Variants in KCTD16 observed in about 807,000 individuals in gnomAD.
KCTD16 encodes the protein BTB/POZ domain-containing protein KCTD16.
Under a neutral mutation model 33.2 loss-of-function variants are expected in KCTD16, and 13 were observed. The ratio of observed to expected loss-of-function variants is 0.39; its 90% CI spans 0.25 to 0.62. The LOEUF is 0.62. Among genes scored for constraint, KCTD16 ranks in the 20% least tolerant of loss-of-function variants. The pLI is 0.50. For missense variants in KCTD16, 441 were observed against 525.1 expected (o/e 0.84, Z 1.57); for synonymous variants, 197 against 195.3 (o/e 1.01, Z -0.07).
chr5:144,262,425 A>T (rs1755037616), intron 3 of KCTD16, among the ~76,000 whole-genome samples: 1 of 152,234 alleles, frequency 6.6e-6, no homozygotes, highest in South Asian at 2.1e-4. Flanking sequence ...GGTTTCAAGC[A>T]AGGAAATAAC....
chr5:144,304,874 G>T (rs1751554914), intron 3 of KCTD16, among the ~76,000 whole-genome samples: 1 of 151,804 alleles, frequency 6.6e-6, no homozygotes, highest in African/African-American at 2.4e-5. Flanking sequence ...CCTTTTGGTT[G>T]CCTCCCTTAA....
At chr5:144,277,392 C>T (rs1755468586) in intron 3 of KCTD16, among the ~76,000 whole-genome samples, 2 of 152,168 alleles carry the variant, frequency 1.3e-5, no homozygotes, top group South Asian at 4.1e-4. Context: ...ATAACTTCCT[C>T]TTGTAGGGTG....
At chr5:144,283,834 A>G (rs1755670912) in intron 3 of KCTD16, among the ~76,000 whole-genome samples, 1 of 152,204 alleles carries the variant, frequency 6.6e-6, no homozygotes, top group Non-Finnish European at 1.5e-5. Context: ...GAGGATATAA[A>G]TCAATAGGTA....
At chr5:144,287,898 T>C (rs1192593226) in intron 3 of KCTD16, among the ~76,000 whole-genome samples, 1 of 152,168 alleles carries the variant, frequency 6.6e-6, no homozygotes, top group African/African-American at 2.4e-5. Flanking sequence ...CCTCTCAAAG[T>C]GTTGGGATTA....
chr5:144,265,049 C>T (rs1214178628), intron 3 of KCTD16, among the ~76,000 whole-genome samples: 1 of 152,132 alleles, frequency 6.6e-6, no homozygotes, highest in Admixed American at 6.5e-5. Context: ...TCTTAACTCT[C>T]TACTATAGAA....
At chr5:144,270,560 TACAGCTATAA>T (rs894335791) in intron 3 of KCTD16, among the ~76,000 whole-genome samples, 2 of 151,444 alleles carry the variant, frequency 1.3e-5, no homozygotes, top group African/African-American at 4.8e-5. Context: ...TATAAAATTT[TACAGCTATAA>T]ACACAGTAAA....
intron 3 of KCTD16, among the ~76,000 whole-genome samples, chr5:144,314,072 C>T (rs1415423642): frequency 6.6e-6 from 1 of 152,044 alleles, no homozygotes. Flanking sequence ...TATAGCTAAA[C>T]CCTATTTACA....
At chr5:144,296,467 T>A (rs1756039780) in intron 3 of KCTD16, among the ~76,000 whole-genome samples, 1 of 152,252 alleles carries the variant, frequency 6.6e-6, no homozygotes, top group South Asian at 2.1e-4. Context: ...TCTTTCTTAT[T>A]TTCCAGTTCT....
Position 144,268,338 on chromosome 5 carries a change from C to A in KCTD16, c.832+60792C>A, listed in dbSNP as rs143244681. Among the ~76,000 whole-genome samples, 18 of 152,332 alleles carry A rather than the reference C, an allele frequency of 1.2e-4. No homozygotes were observed. The East Asian group carries it at 3.5e-3, about 29-fold the overall frequency. On this transcript the variant is annotated intron_variant, in intron 3 of 3. Transcript: ENST00000512467. Reference sequence around the variant, plus strand: ...CGCGCTATTGTTGACAGCCCTTCCCCCTCCATCTGAGGTGACCTCTAAGGG... The same window carrying A: ...CGCGCTATTGTTGACAGCCCTTCCCACTCCATCTGAGGTGACCTCTAAGGG...
chr5:144,342,327 C>T (rs1214130908), intron 3 of KCTD16, among the ~76,000 whole-genome samples: 1 of 152,152 alleles, frequency 6.6e-6, no homozygotes, highest in African/African-American at 2.4e-5. Flanking sequence ...ATTTTATTCT[C>T]TTTGAAGCAG....
chr5:144,225,339 T>C (rs1459437086), intron 3 of KCTD16, among the ~76,000 whole-genome samples: 1 of 152,154 alleles, frequency 6.6e-6, no homozygotes, highest in Non-Finnish European at 1.5e-5. Context: ...CAATCTGTCC[T>C]CAGTTACCCA....
chr5:144,249,323 A>G (rs568382479), intron 3 of KCTD16, among the ~76,000 whole-genome samples: 110 of 152,182 alleles, frequency 7.2e-4, no homozygotes, highest in African/African-American at 2.5e-3. Context: ...TTCACTCCTT[A>G]GAATGCTCTT....
chr5:144,419,343 C>T (rs1438925179), intron 3 of KCTD16, among the ~76,000 whole-genome samples: 1 of 152,096 alleles, frequency 6.6e-6, no homozygotes, highest in Non-Finnish European at 1.5e-5. Context: ...GCCTACTTTA[C>T]TTGCTTTTCT....
chr5:144,439,603 G>A (rs960158931), intron 3 of KCTD16: 12 of 196,324 alleles, frequency 6.1e-5, no homozygotes, highest in Non-Finnish European at 9.4e-5. Flanking sequence ...TGTTCAACAC[G>A]CTTTTTGAAT....
At chr5:144,324,674 C>G (rs971913471) in intron 3 of KCTD16, among the ~76,000 whole-genome samples, 2 of 152,088 alleles carry the variant, frequency 1.3e-5, no homozygotes, top group Non-Finnish European at 2.9e-5. Flanking sequence ...TGAAATAAAC[C>G]CAAATACCCA....
intron 3 of KCTD16, among the ~76,000 whole-genome samples, chr5:144,369,831 G>A (rs1751925889): frequency 6.6e-6 from 1 of 151,964 alleles, no homozygotes; most frequent in South Asian, 2.1e-4. Context: ...GTGATTCATG[G>A]GTGAACATAT....
chr5:144,440,543 T>G (rs1259853002), intron 3 of KCTD16, among the ~76,000 whole-genome samples: 4 of 152,012 alleles, frequency 2.6e-5, no homozygotes, highest in Non-Finnish European at 4.4e-5. Flanking sequence ...AAGTAATATT[T>G]CACTGTGGCA....
chr5:144,246,933 C>A (rs556652243), intron 3 of KCTD16, among the ~76,000 whole-genome samples: 1 of 152,302 alleles, frequency 6.6e-6, no homozygotes, highest in Admixed American at 6.5e-5. Context: ...CTCTCAGCAA[C>A]ACCTGTCAAC....
rs1191585137 is a variant in KCTD16 at position 144,403,566 on chromosome 5, CAAGA to C, written c.833-70092_833-70089del. Among the ~76,000 whole-genome samples the C allele has an allele frequency of 3.5e-4, 53 of 152,308 alleles. 1 individual carries two copies. Among genetic ancestry groups the C allele is most frequent in the Middle Eastern group, 6.8e-3 (2 of 294 alleles). Reference sequence around the variant, plus strand: ...GAACAGATTCTCCCTCTGAGGCTGCCAAGAAGGAACCACCCTGGTGATGCACTGG... The same window carrying C: ...GAACAGATTCTCCCTCTGAGGCTGCCAGGAACCACCCTGGTGATGCACTGG... On this transcript the variant is annotated intron_variant, in intron 3 of 3. Transcript: ENST00000512467.
Sources: allele counts gnomAD v4.1 joint callset (sites outside exome capture counted in the v4.1 genomes callset), GRCh38; gene constraint gnomAD v4.1.1; transcripts MANE v1.5; gene names NCBI Gene and HGNC (gene_info 2026-07-23, HGNC 2026-07-21).